PSME4: variants seen among roughly 807,000 people sequenced by gnomAD.
The protein encoded by PSME4 is proteasome activator subunit 4, also known as proteasome activator complex subunit 4.
A neutral mutation model predicts 253.9 loss-of-function variants in PSME4; 89 were observed. The ratio of observed to expected loss-of-function variants is 0.35; its 90% confidence interval spans 0.30 to 0.42. The LOEUF (loss-of-function observed/expected upper bound fraction) is 0.42. Ranked by LOEUF, PSME4 falls within the 10% of genes least tolerant of loss-of-function variation. The pLI, the probability that PSME4 is intolerant of heterozygous loss-of-function variation, is 1.00. For synonymous variants in PSME4, 851 were observed against 759.2 expected, an observed-to-expected ratio of 1.12 and a Z score of -1.99; for missense variants, 2,014 against 2,195.2, an observed-to-expected ratio of 0.92 and a Z score of 1.65.
rs553943995 is a variant in PSME4, at chr2:53,896,721, T to A, written c.3688+83A>T. On this transcript the variant is annotated intron_variant, in intron 32 of 46. Coordinates refer to ENST00000404125, the MANE Select transcript of PSME4 (RefSeq NM_014614.3). ...AATATCCATAGAACAATATTTGAGGTCAAGAACTAGAATTTATACATGTCA... is the reference window on the plus strand; with the variant it reads ...AATATCCATAGAACAATATTTGAGGACAAGAACTAGAATTTATACATGTCA... 135 of 1,024,306 alleles carry A rather than the reference T, an allele frequency of 1.3e-4. No individual in the cohort carries two copies. In the East Asian group the frequency reaches 3.1e-3, roughly 24 times the overall value. 63.5% of individuals were successfully genotyped at this position (1,024,306 alleles called of 1,614,324 possible).
intron 12 of PSME4, 67 bp downstream of exon 12, chr2:53,927,327 T>G: frequency 8.8e-7 from 1 of 1,131,446 alleles, no homozygotes; most frequent in Non-Finnish European, 1.3e-6. Flanking sequence ...AACTGTCAAG[T>G]GTTACTATGC....
chr2:53,900,858 G>A (rs1367132195), intron 28 of PSME4, among the ~76,000 whole-genome samples: 2 of 152,216 alleles, frequency 1.3e-5, no homozygotes, highest in East Asian at 1.9e-4. Flanking sequence ...TGTTCTGAGG[G>A]AGTATAAATA....
In PSME4 at chr2:53,921,093, C is replaced by G. The variant is rs771086381; in HGVS notation, c.2058G>C (p.Val686=). The G allele has an allele frequency of 8.1e-6, 13 of 1,613,574 alleles. No individual in the cohort carries two copies. Among genetic ancestry groups the G allele is most frequent in the Non-Finnish European group, 1.1e-5 (13 of 1,179,940 alleles). Residue 686 remains valine, a synonymous_variant, in exon 18 of 47, where the codon GTG becomes GTC. Transcript: ENST00000404125. ...TATAAAGAAGCAACTTCCTTCCATC[C>G]ACTCGAGTAATCTAAAAGGAGGGAA... is the stretch of plus-strand genomic sequence containing the variant. ...NLQLLSEITR[V]DGRKLLLYRE...
intron 12 of PSME4, among the ~76,000 whole-genome samples, chr2:53,926,425 G>C (rs1404572522): frequency 6.6e-6 from 1 of 152,168 alleles, no homozygotes. Flanking sequence ...TGTAATCCTA[G>C]CACTTTGGGA....
intron 1 of PSME4, among the ~76,000 whole-genome samples, chr2:53,968,734 T>C (rs2104496115): frequency 6.6e-6 from 1 of 152,384 alleles, no homozygotes; most frequent in African/African-American, 2.4e-5. Context: ...AGCCATCAGC[T>C]ATCTGCAATC....
chr2:53,917,731 A>G (rs891110581), intron 20 of PSME4, among the ~76,000 whole-genome samples: 1 of 152,242 alleles, frequency 6.6e-6, no homozygotes, highest in African/African-American at 2.4e-5. Flanking sequence ...TTTGCCTGCC[A>G]TAAAAGGGTC....
At chr2:53,909,553 A>G (rs960407597) in intron 21 of PSME4, among the ~76,000 whole-genome samples, 1 of 152,226 alleles carries the variant, frequency 6.6e-6, no homozygotes, top group Non-Finnish European at 1.5e-5. Flanking sequence ...CTTACTGGCT[A>G]TTCTTTATAC....
chr2:53,940,953 AT>A (rs1436103486), intron 3 of PSME4, among the ~76,000 whole-genome samples: 25 of 12,888 alleles, frequency 1.9e-3, no homozygotes, highest in East Asian at 0.013. Context: ...ATATATATAC[AT>A]ATATATATAT....
chr2:53,877,567 CA>C (rs1454910524), intron 41 of PSME4, among the ~76,000 whole-genome samples: 1 of 152,202 alleles, frequency 6.6e-6, no homozygotes, highest in Non-Finnish European at 1.5e-5. Context: ...TCAGCGACAT[CA>C]GGGGTAGGAG....
intron 24 of PSME4, among the ~76,000 whole-genome samples, chr2:53,907,653 A>G (rs1016229891): frequency 6.6e-6 from 1 of 152,198 alleles, no homozygotes; most frequent in Non-Finnish European, 1.5e-5. Flanking sequence ...CTACTGCTGA[A>G]TATAAAACTG....
At chr2:53,913,878 T>C (rs1406171487) in intron 20 of PSME4, among the ~76,000 whole-genome samples, 1 of 151,910 alleles carries the variant, frequency 6.6e-6, no homozygotes, top group East Asian at 1.9e-4. Context: ...CACCGTGGAG[T>C]AGTAACTGTT....
chr2:53,885,939 G>A (rs985183532), intron 40 of PSME4, among the ~76,000 whole-genome samples, 164 bp from the exon 41 acceptor site: 1 of 152,112 alleles, frequency 6.6e-6, no homozygotes, highest in Admixed American at 6.6e-5. Context: ...TTATTAAGAA[G>A]CAGTATAACA....
At chr2:53,944,662 T>C (rs1669621150) in intron 3 of PSME4, among the ~76,000 whole-genome samples, 1 of 152,190 alleles carries the variant, frequency 6.6e-6, no homozygotes, top group Non-Finnish European at 1.5e-5. Context: ...TGTAATTACA[T>C]ATCATCCATG....
chr2:53,901,281 A>G, intron 28 of PSME4, 69 bp downstream of exon 28: 1 of 1,394,944 alleles, frequency 7.2e-7, no homozygotes, highest in Non-Finnish European at 1.0e-6. Flanking sequence ...AAAGGGCAAG[A>G]AAAATAAAGG....
intron 3 of PSME4, among the ~76,000 whole-genome samples, chr2:53,944,712 T>C (rs1277397500): frequency 9.2e-5 from 14 of 152,172 alleles, no homozygotes; most frequent in Admixed American, 7.9e-4. Flanking sequence ...CATGGCCACA[T>C]GTGCCAAGAA....
At chr2:53,889,314 C>T (rs1006656075) in intron 37 of PSME4, among the ~76,000 whole-genome samples, 1 of 152,124 alleles carries the variant, frequency 6.6e-6, no homozygotes, top group Non-Finnish European at 1.5e-5. Context: ...TTACATATAA[C>T]CTATGCACAT....
intron 22 of PSME4, 60 bp downstream of exon 22, chr2:53,908,724 T>C (rs1489347025): frequency 6.7e-7 from 1 of 1,484,012 alleles, no homozygotes; most frequent in Non-Finnish European, 9.2e-7. Flanking sequence ...ATGTTATAGA[T>C]TAAAATTCCA....
At chr2:53,899,781 G>C in intron 29 of PSME4, 100 bp downstream of exon 29, 3 of 1,401,846 alleles carry the variant, frequency 2.1e-6, no homozygotes, top group Non-Finnish European at 2.9e-6. Flanking sequence ...TCGTCTCACT[G>C]TACTCCAGCC....
intron 6 of PSME4, among the ~76,000 whole-genome samples, 183 bp downstream of exon 6, chr2:53,936,581 A>C (rs1669125881): frequency 7.2e-6 from 1 of 139,274 alleles, no homozygotes. Flanking sequence ...TTTTGTTAGA[A>C]TACAACAAAT....
Sources: gnomAD v4.1 joint callset for allele counts (sites outside exome capture counted in the v4.1 genomes callset) on GRCh38, gnomAD v4.1.1 for gene constraint, MANE v1.5 for transcripts, NCBI Gene and HGNC (gene_info 2026-07-23, HGNC 2026-07-21) for gene names.